CD302: variants seen among roughly 807,000 people sequenced by gnomAD.
CD302 encodes the protein CD302 antigen.
CD302 carries 23 observed loss-of-function variants against 26.5 expected under a neutral mutation model. That is an observed-to-expected ratio of 0.87 (90% CI 0.62 to 1.23). The LOEUF (loss-of-function observed/expected upper bound fraction) is 1.23, where lower values mean the gene tolerates loss of function less well. CD302 is among the 50% of genes most tolerant of loss of function. The pLI is 0.00. For synonymous variants in CD302, 90 were observed against 99.4 expected, an observed-to-expected ratio of 0.91 and a Z score of 0.56; for missense variants, 290 against 275.5, an observed-to-expected ratio of 1.05 and a Z score of -0.37.
chr2:159,780,340 AATC>A (rs1343823223), intron 3 of CD302, among the ~76,000 whole-genome samples, 162 bp from the exon 4 acceptor site: 1 of 152,232 alleles, frequency 6.6e-6, no homozygotes, highest in Non-Finnish European at 1.5e-5. Flanking sequence ...TGTACAGCCA[AATC>A]ATCAAAAGCT....
chr2:159,778,523 G>T (rs549578308), intron 4 of CD302, among the ~76,000 whole-genome samples: 2 of 152,274 alleles, frequency 1.3e-5, no homozygotes, highest in South Asian at 2.1e-4. Flanking sequence ...CAAGGATCCT[G>T]CTGTAGCAAG....
At chr2:159,796,135 A>G (rs1159813782) in intron 1 of CD302, among the ~76,000 whole-genome samples, 3 of 152,250 alleles carry the variant, frequency 2.0e-5, no homozygotes, top group Non-Finnish European at 4.4e-5. Context: ...TCAACATCAC[A>G]TTTATATGCA....
chr2:159,778,375 CTT>C (rs773450519), intron 4 of CD302, among the ~76,000 whole-genome samples: 1 of 152,204 alleles, frequency 6.6e-6, no homozygotes. Context: ...TAATTAAAAA[CTT>C]TGTTTATGTA....
At chr2:159,789,706 T>C (rs1021035280) in intron 1 of CD302, among the ~76,000 whole-genome samples, 3 of 152,196 alleles carry the variant, frequency 2.0e-5, no homozygotes, top group African/African-American at 7.2e-5. Context: ...TGTTCTAGAC[T>C]TTGTAGACTT....
chr2:159,784,925 G>A (rs1207237129), intron 1 of CD302, among the ~76,000 whole-genome samples: 3 of 151,524 alleles, frequency 2.0e-5, no homozygotes, highest in East Asian at 3.9e-4. Flanking sequence ...TCAACATAGC[G>A]GTCTTGCCTT....
chr2:159,782,674 A>G (rs766356920), intron 2 of CD302, among the ~76,000 whole-genome samples: 2 of 150,848 alleles, frequency 1.3e-5, no homozygotes, highest in East Asian at 2.0e-4. Flanking sequence ...GTAGTGAGCT[A>G]TGATCATGCC....
chr2:159,775,709 T>C (rs1708293915), intron 5 of CD302, among the ~76,000 whole-genome samples: 1 of 152,158 alleles, frequency 6.6e-6, no homozygotes, highest in Non-Finnish European at 1.5e-5. Flanking sequence ...TTGTGCTACA[T>C]CACCACCATC....
intron 5 of CD302, among the ~76,000 whole-genome samples, chr2:159,776,713 TTTTTTTTTTG>T (rs1484512301): frequency 2.0e-4 from 8 of 39,276 alleles, no homozygotes; most frequent in South Asian, 8.9e-4. Flanking sequence ...TTTTTTTTTT[TTTTTTTTTTG>T]TGAGATGGAG....
At chr2:159,783,128 T>C (rs1708566955) in intron 2 of CD302, among the ~76,000 whole-genome samples, 1 of 152,242 alleles carries the variant, frequency 6.6e-6, no homozygotes, top group Admixed American at 6.5e-5. Context: ...GATATGCATG[T>C]TAAATAGACC....
intron 5 of CD302, among the ~76,000 whole-genome samples, chr2:159,776,859 C>G: frequency 6.6e-6 from 1 of 152,172 alleles, no homozygotes; most frequent in Non-Finnish European, 1.5e-5. Context: ...GCGCCCGCCA[C>G]CGTGCCCGGC....
intron 2 of CD302, among the ~76,000 whole-genome samples, chr2:159,782,414 CAAAAAAAA>C (rs72068957): frequency 3.5e-4 from 25 of 70,716 alleles, no homozygotes; most frequent in African/African-American, 5.4e-4. Flanking sequence ...CTCCATCTCA[CAAAAAAAA>C]AAAAAAAAAA....
intron 2 of CD302, among the ~76,000 whole-genome samples, chr2:159,781,867 C>T (rs952589361): frequency 3.7e-5 from 5 of 134,122 alleles, no homozygotes; most frequent in Admixed American, 3.3e-4. Flanking sequence ...TTGGTGTTTA[C>T]ATTTATTCCT....
chr2:159,790,256 T>G (rs908385217), intron 1 of CD302, among the ~76,000 whole-genome samples: 7 of 152,190 alleles, frequency 4.6e-5, no homozygotes, highest in African/African-American at 1.7e-4. Context: ...GGTAAAATGC[T>G]ATGAGATGTA....
At chr2:159,779,983 A>G (rs2125800397) in intron 4 of CD302, 22 bp downstream of exon 4, 1 of 1,598,884 alleles carries the variant, frequency 6.3e-7, no homozygotes, top group South Asian at 1.1e-5. Context: ...TAGAATGGAA[A>G]AACACCTTCG....
chr2:159,797,493 T>G (rs1682486702), intron 1 of CD302, among the ~76,000 whole-genome samples: 1 of 152,194 alleles, frequency 6.6e-6, no homozygotes, highest in African/African-American at 2.4e-5. Context: ...ACGTGTGTGA[T>G]TTTTCAGATG....
chr2:159,782,405 T>TC (rs1376499088), intron 2 of CD302, among the ~76,000 whole-genome samples: 1 of 90,612 alleles, frequency 1.1e-5, no homozygotes, highest in Non-Finnish European at 1.9e-5. Flanking sequence ...AGAGCGAGAC[T>TC]CCATCTCACA....
At chr2:159,773,669 T>C (rs963325546) in intron 5 of CD302, among the ~76,000 whole-genome samples, 1 of 152,208 alleles carries the variant, frequency 6.6e-6, no homozygotes, top group Non-Finnish European at 1.5e-5. Context: ...GCTAGCTGCA[T>C]ACTACTAAAA....
chr2:159,786,313 T>G (rs993348684), intron 1 of CD302, among the ~76,000 whole-genome samples: 6 of 148,678 alleles, frequency 4.0e-5, no homozygotes, highest in African/African-American at 7.3e-5. Flanking sequence ...CTTTCCTTCT[T>G]GAAGCATGTT....
chr2:159,779,193 C>CGCACT (rs914813794), intron 4 of CD302, among the ~76,000 whole-genome samples: 3 of 135,524 alleles, frequency 2.2e-5, no homozygotes, highest in Admixed American at 1.7e-4. Flanking sequence ...ATCGCGCCAC[C>CGCACT]GCACTCCAGC....
Sources: gnomAD v4.1 joint callset for allele counts (sites outside exome capture counted in the v4.1 genomes callset) on GRCh38, gnomAD v4.1.1 for gene constraint, MANE v1.5 for transcripts, NCBI Gene and HGNC (gene_info 2026-07-23, HGNC 2026-07-21) for gene names.